Variants in STK39 observed in about 807,000 individuals in gnomAD.
STK39 encodes serine/threonine kinase 39.
A neutral mutation model predicts 77.8 loss-of-function variants in STK39; 20 were observed. The ratio of observed to expected loss-of-function variants is 0.26; its 90% CI spans 0.18 to 0.37. The LOEUF (loss-of-function observed/expected upper bound fraction) is 0.37, where lower values mean the gene tolerates loss of function less well. STK39 is among the 10% of genes least tolerant of loss of function. STK39 has a pLI of 1.00. For synonymous variants in STK39, 246 were observed against 234.1 expected (o/e 1.05, Z -0.47); for missense variants, 479 against 656.5 (o/e 0.73, Z 2.95).
chr2:168,024,840 C>T (rs1247377990), intron 14 of STK39, among the ~76,000 whole-genome samples: 2 of 152,144 alleles, frequency 1.3e-5, no homozygotes, highest in African/African-American at 4.8e-5. Context: ...GAAACTGAGG[C>T]TTAGAAAGGA....
intron 16 of STK39, among the ~76,000 whole-genome samples, chr2:167,976,475 A>G (rs1363311155): frequency 1.3e-5 from 2 of 152,190 alleles, no homozygotes; most frequent in Non-Finnish European, 2.9e-5. Context: ...AAAACTAATG[A>G]GAGACCACCA....
intron 17 of STK39, among the ~76,000 whole-genome samples, chr2:167,961,512 G>T (rs1327197653): frequency 6.6e-6 from 1 of 152,018 alleles, no homozygotes; most frequent in Non-Finnish European, 1.5e-5. Flanking sequence ...TTACAAAACT[G>T]CCAAGTAGTC....
At chr2:168,002,766 T>C (rs1364021530) in intron 16 of STK39, among the ~76,000 whole-genome samples, 2 of 152,294 alleles carry the variant, frequency 1.3e-5, no homozygotes, top group East Asian at 3.9e-4. Context: ...TCAAAAAATA[T>C]ATGTAACCCT....
chr2:168,045,120 A>C (rs1014042089), intron 14 of STK39, among the ~76,000 whole-genome samples: 1 of 152,058 alleles, frequency 6.6e-6, no homozygotes, highest in Non-Finnish European at 1.5e-5. Flanking sequence ...ATAAGTGACC[A>C]AAAAAAAGTT....
intron 2 of STK39, among the ~76,000 whole-genome samples, chr2:168,171,859 C>A (rs13393270): frequency 8.8e-6 from 1 of 113,426 alleles, no homozygotes; most frequent in East Asian, 3.1e-4. Flanking sequence ...CCCCACTCCC[C>A]CCTCCCCCCC....
chr2:168,171,467 AAT>A lies in STK39; in HGVS notation c.322-4062_322-4061del, dbSNP rs200463920. On this transcript the variant is annotated intron_variant, in intron 2 of 17. Transcript: ENST00000355999. ...TCCCCCAAAAAATAACAGAACTGAA[AAT>A]AAAAAAAGGGAAAAAAAAACTTAAT... is the stretch of plus-strand genomic sequence containing the variant. Among the ~76,000 whole-genome samples, 88 of 134,684 alleles carry A rather than the reference AAT, an allele frequency of 6.5e-4. 1 individual carries two copies. The East Asian group carries it at 0.014, about 21-fold the overall frequency. The allele number at this position is 134,684 out of a possible 152,430, so 88.4% of individuals were successfully genotyped here. A position where few individuals can be genotyped will look rare whatever the true frequency, so the allele number is the denominator to read the frequency against.
At chr2:167,962,526 G>A (rs1692012870) in intron 17 of STK39, among the ~76,000 whole-genome samples, 1 of 152,156 alleles carries the variant, frequency 6.6e-6, no homozygotes, top group Non-Finnish European at 1.5e-5. Context: ...GGGAGAATAA[G>A]CCATCAATTT....
At chr2:168,082,730 T>A (rs184966783) in intron 10 of STK39, among the ~76,000 whole-genome samples, 1 of 152,316 alleles carries the variant, frequency 6.6e-6, no homozygotes, top group East Asian at 1.9e-4. Flanking sequence ...CCTGACCTCA[T>A]CTAAATTGAA....
intron 4 of STK39, among the ~76,000 whole-genome samples, chr2:168,163,020 C>CT (rs1250775509): frequency 1.4e-5 from 2 of 143,102 alleles, no homozygotes; most frequent in Non-Finnish European, 3.0e-5. Flanking sequence ...GAGCAAGACT[C>CT]TGTCTCAAAA....
intron 1 of STK39, among the ~76,000 whole-genome samples, chr2:168,197,072 G>A (rs189340275): frequency 1.2e-4 from 19 of 152,066 alleles, no homozygotes; most frequent in Admixed American, 1.1e-3. Flanking sequence ...GTGTAGATAA[G>A]ATTGTACGCA....
At position 167,955,044 on chromosome 2, in the gene STK39, G is replaced by A. The variant is rs1300967284; in HGVS notation, c.*452C>T. 6.5e-6 allele frequency: 1 copy of A among 152,922 alleles called. No homozygotes were observed. Among genetic ancestry groups the A allele is most frequent in the South Asian group, 2.1e-4 (1 of 4,848 alleles). The allele number at this position is 152,922 out of a possible 1,614,324, so 9.5% of individuals were successfully genotyped here. On this transcript the variant is annotated 3_prime_UTR_variant, in exon 18 of 18. Transcript: ENST00000355999. Reference sequence around the variant, plus strand: ...TAATTTCTAAATACAACATAAAAGAGGCAGTATTGTCAGATGTACAATTAA... The same window carrying A: ...TAATTTCTAAATACAACATAAAAGAAGCAGTATTGTCAGATGTACAATTAA...
At chr2:168,004,893 C>T (rs1017309984) in intron 16 of STK39, among the ~76,000 whole-genome samples, 6 of 151,464 alleles carry the variant, frequency 4.0e-5, no homozygotes, top group Non-Finnish European at 8.8e-5. Context: ...CAGAAACGTG[C>T]ATTTTTAATA....
chr2:168,061,550 C>A (rs1306428727), intron 14 of STK39, among the ~76,000 whole-genome samples: 1 of 152,076 alleles, frequency 6.6e-6, no homozygotes, highest in Admixed American at 6.6e-5. Flanking sequence ...AACATAGAAC[C>A]CTTTCTTCCT....
chr2:168,077,583 T>C (rs1686112650), intron 10 of STK39, among the ~76,000 whole-genome samples: 1 of 152,174 alleles, frequency 6.6e-6, no homozygotes, highest in Non-Finnish European at 1.5e-5. Context: ...AGAAAGAACA[T>C]TCAAAAACCT....
At chr2:167,990,797 C>T (rs1343869422) in intron 16 of STK39, among the ~76,000 whole-genome samples, 3 of 152,182 alleles carry the variant, frequency 2.0e-5, no homozygotes, top group African/African-American at 7.2e-5. Context: ...AGTCATTATT[C>T]CAGTGCTCTA....
intron 14 of STK39, among the ~76,000 whole-genome samples, chr2:168,027,605 C>T (rs934226792): frequency 1.3e-5 from 2 of 152,152 alleles, no homozygotes; most frequent in South Asian, 2.1e-4. Context: ...TGTACACACA[C>T]GTACATGCAC....
At chr2:168,031,626 G>A (rs1042000040) in intron 14 of STK39, among the ~76,000 whole-genome samples, 171 of 152,274 alleles carry the variant, frequency 1.1e-3, no homozygotes, top group African/African-American at 3.9e-3. Context: ...GACAGGTGTC[G>A]TTATAAGAAG....
At chr2:168,171,099 T>A (rs1249751551) in intron 2 of STK39, among the ~76,000 whole-genome samples, 1 of 152,200 alleles carries the variant, frequency 6.6e-6, no homozygotes, top group African/African-American at 2.4e-5. Context: ...GCACAGTAGT[T>A]AATCTTCTCT....
At chr2:168,051,175 A>G (rs1685385418) in intron 14 of STK39, among the ~76,000 whole-genome samples, 1 of 152,208 alleles carries the variant, frequency 6.6e-6, no homozygotes. Context: ...AAGTCCTAAG[A>G]GACAACCTTC....
Sources: allele counts gnomAD v4.1 joint callset (sites outside exome capture counted in the v4.1 genomes callset), GRCh38; gene constraint gnomAD v4.1.1; transcripts MANE v1.5; gene names NCBI Gene and HGNC (gene_info 2026-07-23, HGNC 2026-07-21).